The following MMS22L variants were observed in gnomAD, a reference collection of about 807,000 sequenced individuals.
MMS22L encodes protein MMS22-like.
Under a neutral mutation model 159.1 loss-of-function variants are expected in MMS22L, and 74 were observed. The observed-to-expected ratio is 0.47, with a 90% CI of 0.39 to 0.56. The LOEUF is 0.56. Among genes scored for constraint, MMS22L ranks in the 20% least tolerant of loss-of-function variants. MMS22L has a pLI of 0.00. For missense variants in MMS22L, 1,351 were observed against 1,422.1 expected, an observed-to-expected ratio of 0.95 and a Z score of 0.80; for synonymous variants, 517 against 506.9, an observed-to-expected ratio of 1.02 and a Z score of -0.27.
intron 6 of MMS22L, chr6:97,270,245 G>A: frequency 1.7e-6 from 1 of 591,456 alleles, no homozygotes; most frequent in Non-Finnish European, 3.2e-6. Flanking sequence ...GACTTGTATA[G>A]TAAAGGTACC....
In MMS22L at chr6:97,165,455, G is replaced by A. The variant is rs779883216; in HGVS notation, c.3012C>T (p.Gly1004=). The A allele has an allele frequency of 8.1e-6, 13 of 1,610,944 alleles. 1 individual carries two copies. In the Admixed American group the frequency reaches 1.3e-4, roughly 17 times the overall value. The part of the protein sequence containing the change: ...IQKSLPLYLQ[G]MCIVCCQSQN... ...GAGATTGACAACACACGATACACAT[G>A]CCCTACAAGGAAAAAAAGTAAGAAA... Residue 1004 remains glycine, a splice_region_variant and synonymous_variant, in exon 21 of 25, where the codon GGC becomes GGT. Coordinates refer to ENST00000683635, the MANE Select transcript of MMS22L (RefSeq NM_001350599.2).
chr6:97,157,791 G>T (rs1388092082), intron 22 of MMS22L, among the ~76,000 whole-genome samples: 1 of 152,032 alleles, frequency 6.6e-6, no homozygotes, highest in African/African-American at 2.4e-5. Flanking sequence ...TTTTGTTGTT[G>T]TGTCTCTGCC....
intron 11 of MMS22L, among the ~76,000 whole-genome samples, chr6:97,242,205 C>T (rs571263539): frequency 5.9e-5 from 9 of 152,032 alleles, no homozygotes; most frequent in Non-Finnish European, 1.3e-4. Context: ...GTACTGAAGT[C>T]CCCCACTATT....
At chr6:97,225,793 C>A (rs1369850862) in intron 14 of MMS22L, among the ~76,000 whole-genome samples, 1 of 152,086 alleles carries the variant, frequency 6.6e-6, no homozygotes, top group Non-Finnish European at 1.5e-5. Flanking sequence ...AGGATGGTCT[C>A]ATCTCCTGAC....
Position 97,231,551 on chromosome 6 carries a change from A to G in MMS22L, c.1404T>C (p.Asp468=). 1 of 1,613,886 alleles carries G rather than the reference A, an allele frequency of 6.2e-7. No individual in the cohort carries two copies. Among genetic ancestry groups the G allele is most frequent in the Non-Finnish European group, 8.5e-7 (1 of 1,179,840 alleles). Residue 468 remains aspartate (D), a synonymous_variant, in exon 13 of 25, where the codon GAT becomes GAC. Coordinates refer to ENST00000683635, the MANE Select transcript of MMS22L (RefSeq NM_001350599.2). ...ATTTATATAGTTCCTGATCTTGTTT[A>G]TCGCAACAGCAAGTCTTCACCATTT... ...MLEMVKTCCC[D]KQDQELYKSS...
At chr6:97,239,275 A>T (rs979580190) in intron 11 of MMS22L, among the ~76,000 whole-genome samples, 5 of 152,150 alleles carry the variant, frequency 3.3e-5, no homozygotes, top group Non-Finnish European at 5.9e-5. Context: ...AATCAAAATA[A>T]TTTTTTAAAA....
intron 4 of MMS22L, 95 bp from the exon 5 acceptor site, chr6:97,273,157 T>A (rs1815923911): frequency 2.2e-6 from 2 of 913,150 alleles, no homozygotes; most frequent in Non-Finnish European, 3.4e-6. Flanking sequence ...CAATTCTCTA[T>A]CTTGTAACAT....
intron 3 of MMS22L, among the ~76,000 whole-genome samples, chr6:97,281,016 T>C (rs1293913431): frequency 6.6e-6 from 1 of 152,196 alleles, no homozygotes; most frequent in Non-Finnish European, 1.5e-5. Flanking sequence ...TGTCAATACA[T>C]GTGTCAAATG....
chr6:97,215,298 C>T (rs546941592), intron 14 of MMS22L, among the ~76,000 whole-genome samples: 1 of 152,130 alleles, frequency 6.6e-6, no homozygotes, highest in East Asian at 1.9e-4. Flanking sequence ...TAGTTAGCTG[C>T]TGACTTCATT....
chr6:97,190,109 A>T (rs574807629), intron 14 of MMS22L, among the ~76,000 whole-genome samples: 7 of 152,340 alleles, frequency 4.6e-5, no homozygotes, highest in African/African-American at 1.7e-4. Context: ...ATTAGATGTG[A>T]CCACTGCATA....
intron 8 of MMS22L, chr6:97,264,409 A>C (rs955003717): frequency 2.6e-5 from 4 of 151,668 alleles, no homozygotes; most frequent in African/African-American, 9.8e-5. Flanking sequence ...GATAATGCAC[A>C]GAATGTACAC....
intron 14 of MMS22L, among the ~76,000 whole-genome samples, chr6:97,217,169 G>C (rs6568817): frequency 0.64 from 97,985 of 151,994 alleles, 33,097 homozygotes; most frequent in Non-Finnish European, 0.76. Context: ...AAATCATAAA[G>C]CTCTATTCTA....
At position 97,146,853 on chromosome 6, in the gene MMS22L, G is replaced by C; in HGVS notation, c.3685C>G (p.Gln1229Glu). 6.4e-7 allele frequency: 1 copy of C among 1,565,786 alleles called. No individual in the cohort carries two copies. Among genetic ancestry groups the C allele is most frequent in the Non-Finnish European group, 8.6e-7 (1 of 1,164,740 alleles). The change falls in exon 25 of 25, where the codon CAG (glutamine) becomes GAG (glutamate). Residue 1229 changes from glutamine (Q) to glutamate (E), a missense_variant. Gln to Glu is a conservative substitution (Grantham distance 29). Transcript: ENST00000683635. ...CTCTGCATCTCATCTTGTCCCATCTGTCCAAGGTGAGACAAAAGTTTGCTA... is the reference window on the plus strand; with the variant it reads ...CTCTGCATCTCATCTTGTCCCATCTCTCCAAGGTGAGACAAAAGTTTGCTA... ...AYSKLLSHLG[Q>E]MGQDEMQRLE...
chr6:97,280,391 T>C (rs1026092526), intron 3 of MMS22L, among the ~76,000 whole-genome samples: 1 of 152,016 alleles, frequency 6.6e-6, no homozygotes, highest in East Asian at 1.9e-4. Flanking sequence ...TGGAGTACAG[T>C]GGGCAATCTC....
chr6:97,167,351 A>G (rs143943605), intron 20 of MMS22L, among the ~76,000 whole-genome samples: 5 of 152,188 alleles, frequency 3.3e-5, no homozygotes, highest in Admixed American at 6.6e-5. Context: ...ACAGCTCCCA[A>G]ATGTTTTTGA....
chr6:97,235,830 AG>A (rs775471262), intron 11 of MMS22L, among the ~76,000 whole-genome samples: 1 of 152,214 alleles, frequency 6.6e-6, no homozygotes, highest in Non-Finnish European at 1.5e-5. Flanking sequence ...GCACGAGGGA[AG>A]GAATTAGCTC....
intron 14 of MMS22L, among the ~76,000 whole-genome samples, chr6:97,194,997 G>A (rs1806333305): frequency 6.6e-6 from 1 of 152,144 alleles, no homozygotes; most frequent in African/African-American, 2.4e-5. Context: ...ATACAACCAT[G>A]TAATACCTGA....
chr6:97,202,594 T>C (rs1807297663), intron 14 of MMS22L, among the ~76,000 whole-genome samples: 1 of 152,126 alleles, frequency 6.6e-6, no homozygotes, highest in Non-Finnish European at 1.5e-5. Context: ...AAGTAAATAA[T>C]ATCATCTACA....
intron 19 of MMS22L, among the ~76,000 whole-genome samples, chr6:97,172,809 T>C (rs937635607): frequency 1.3e-5 from 2 of 152,144 alleles, no homozygotes; most frequent in Admixed American, 6.6e-5. Context: ...CTGAAAGCAA[T>C]TGGTGCCAGC....
Sources: gnomAD v4.1 joint callset for allele counts (sites outside exome capture counted in the v4.1 genomes callset) on GRCh38, gnomAD v4.1.1 for gene constraint, MANE v1.5 for transcripts, NCBI Gene and HGNC (gene_info 2026-07-23, HGNC 2026-07-21) for gene names.